Variants in TRPC6 observed in about 807,000 individuals in gnomAD.
TRPC6 encodes the protein transient receptor potential cation channel subfamily C member 6.
Under a neutral mutation model 90.7 loss-of-function variants are expected in TRPC6, and 55 were observed. The ratio of observed to expected loss-of-function variants is 0.61; its 90% confidence interval spans 0.49 to 0.76. The LOEUF (loss-of-function observed/expected upper bound fraction) is 0.76. TRPC6 is among the 30% of genes least tolerant of loss of function. The pLI is 0.00. For synonymous variants in TRPC6, 393 were observed against 393.0 expected, an observed-to-expected ratio of 1.00 and a Z score of 0.00; for missense variants, 989 against 1,122.7, an observed-to-expected ratio of 0.88 and a Z score of 1.70.
At chr11:101,466,154 CA>C (rs1342428620) in intron 10 of TRPC6, among the ~76,000 whole-genome samples, 1 of 152,098 alleles carries the variant, frequency 6.6e-6, no homozygotes, top group East Asian at 1.9e-4. Context: ...ATCTTCGTCC[CA>C]AAGGGGCACC....
chr11:101,477,820 G>A (rs7927507), intron 5 of TRPC6, among the ~76,000 whole-genome samples: 18,144 of 152,152 alleles, frequency 0.12, 1,561 homozygotes, highest in African/African-American at 0.25. Flanking sequence ...AACATTTATT[G>A]AGTGCTTACT....
chr11:101,562,399 T>A (rs1198378557), intron 1 of TRPC6, among the ~76,000 whole-genome samples: 2 of 152,200 alleles, frequency 1.3e-5, no homozygotes, highest in African/African-American at 4.8e-5. Flanking sequence ...TATGGCTTCA[T>A]CTTGAGTCCC....
chr11:101,472,129 G>C lies in TRPC6; in HGVS notation c.2205+8C>G. The C allele has an allele frequency of 6.2e-6, 10 of 1,610,136 alleles. No individual in the cohort carries two copies. The highest frequency in any genetic ancestry group is 8.5e-6 in the Non-Finnish European group (10 of 1,178,574). ...GGCACAAATTATAAAAATGTATTGA[G>C]ATTATACCTCAATTTCCTGGAATGA... On this transcript the variant is annotated splice_region_variant and intron_variant, in intron 8 of 12. Coordinates refer to ENST00000344327, the MANE Select transcript of TRPC6 (RefSeq NM_004621.6).
chr11:101,569,405 A>G (rs1034119803), intron 1 of TRPC6, among the ~76,000 whole-genome samples: 7 of 152,214 alleles, frequency 4.6e-5, no homozygotes, highest in Admixed American at 2.0e-4. Context: ...TTAGACTTGT[A>G]CACAATGATA....
At chr11:101,453,880 T>C (rs535878465) in intron 11 of TRPC6, among the ~76,000 whole-genome samples, 155 bp from the exon 12 acceptor site, 7 of 152,342 alleles carry the variant, frequency 4.6e-5, no homozygotes, top group Non-Finnish European at 8.8e-5. Flanking sequence ...GCAGGCGATC[T>C]CTACATTTTG....
intron 1 of TRPC6, among the ~76,000 whole-genome samples, chr11:101,517,515 T>C (rs1860551023): frequency 6.6e-6 from 1 of 152,228 alleles, no homozygotes; most frequent in Non-Finnish European, 1.5e-5. Flanking sequence ...TCTTTATTAC[T>C]GCCATTAGTC....
intron 6 of TRPC6, among the ~76,000 whole-genome samples, chr11:101,475,657 A>G (rs1859396653): frequency 6.8e-6 from 1 of 147,650 alleles, no homozygotes; most frequent in South Asian, 2.1e-4. Flanking sequence ...GCCCCTGACA[A>G]CCACCATTAC....
intron 1 of TRPC6, among the ~76,000 whole-genome samples, chr11:101,552,393 T>G (rs1861469647): frequency 6.6e-6 from 1 of 152,100 alleles, no homozygotes; most frequent in Non-Finnish European, 1.5e-5. Flanking sequence ...CAAAATTACT[T>G]GGCTCTAAAT....
intron 1 of TRPC6, among the ~76,000 whole-genome samples, chr11:101,562,556 T>C (rs909811477): frequency 6.6e-5 from 10 of 152,198 alleles, no homozygotes; most frequent in Non-Finnish European, 1.2e-4. Flanking sequence ...ATTTAAATTT[T>C]GCTCTACAGA....
In TRPC6 at chr11:101,539,646, A is replaced by G. The variant is rs572496143; in HGVS notation, c.171-34848T>C. Among the ~76,000 whole-genome samples the G allele has an allele frequency of 1.7e-4, 26 of 152,346 alleles. No homozygotes were observed. In the South Asian group the frequency reaches 4.3e-3, roughly 25 times the overall value. ...CATTTTTAAAAACTATGCTTCTTTTACCATCATCAGCATCTTTCCAGAATC... is the reference window on the plus strand; with the variant it reads ...CATTTTTAAAAACTATGCTTCTTTTGCCATCATCAGCATCTTTCCAGAATC... On this transcript the variant is annotated intron_variant, in intron 1 of 12. Coordinates refer to ENST00000344327, the MANE Select transcript of TRPC6 (RefSeq NM_004621.6).
At chr11:101,563,596 T>TA (rs769131667) in intron 1 of TRPC6, among the ~76,000 whole-genome samples, 28 of 152,176 alleles carry the variant, frequency 1.8e-4, no homozygotes, top group South Asian at 8.3e-4. Context: ...GCCTAATAGG[T>TA]ACTCACCATA....
At chr11:101,578,574 A>C (rs1173509358) in intron 1 of TRPC6, among the ~76,000 whole-genome samples, 2 of 152,032 alleles carry the variant, frequency 1.3e-5, no homozygotes, top group African/African-American at 2.4e-5. Flanking sequence ...GTCAATAAAA[A>C]TTTTAAAGGA....
intron 1 of TRPC6, among the ~76,000 whole-genome samples, chr11:101,541,415 G>C (rs1861170119): frequency 6.6e-6 from 1 of 152,154 alleles, no homozygotes; most frequent in South Asian, 2.1e-4. Flanking sequence ...AGGCCGGAGT[G>C]CAGTAGTGCC....
chr11:101,514,337 T>C (rs1860467580), intron 1 of TRPC6, among the ~76,000 whole-genome samples: 1 of 152,134 alleles, frequency 6.6e-6, no homozygotes, highest in African/African-American at 2.4e-5. Flanking sequence ...AAGGAAGTAG[T>C]GTGGCATATA....
At chr11:101,565,704 T>G (rs1861812831) in intron 1 of TRPC6, among the ~76,000 whole-genome samples, 1 of 152,110 alleles carries the variant, frequency 6.6e-6, no homozygotes, top group African/African-American at 2.4e-5. Flanking sequence ...TAATAGGTAT[T>G]TGATGAAAAC....
Position 101,452,848 on chromosome 11 carries a change from G to T in TRPC6, c.*107C>A. ...GATAGGATGGCCCAAGTTATTTAACGTTTTCTTGTTTAAAAGGTGGGCCCA... is the reference window on the plus strand; with the variant it reads ...GATAGGATGGCCCAAGTTATTTAACTTTTTCTTGTTTAAAAGGTGGGCCCA... On this transcript the variant is annotated 3_prime_UTR_variant, in exon 13 of 13. Coordinates refer to ENST00000344327, the MANE Select transcript of TRPC6 (RefSeq NM_004621.6). 7.4e-7 allele frequency: 1 copy of T among 1,350,100 alleles called. No homozygotes were observed. The highest frequency in any genetic ancestry group is 1.0e-6 in the Non-Finnish European group (1 of 957,450). The allele number at this position is 1,350,100 out of a possible 1,614,324, so 83.6% of individuals were successfully genotyped here.
At chr11:101,456,935 A>AACTT (rs1285211004) in intron 10 of TRPC6, among the ~76,000 whole-genome samples, 2 of 152,166 alleles carry the variant, frequency 1.3e-5, no homozygotes, top group African/African-American at 4.8e-5. Context: ...TTTCATAAAA[A>AACTT]ACTTAATGAT....
intron 5 of TRPC6, among the ~76,000 whole-genome samples, chr11:101,478,876 ACAAAAAACAAC>A (rs1367720393): frequency 6.6e-6 from 1 of 152,156 alleles, no homozygotes; most frequent in Admixed American, 6.5e-5. Context: ...ATTTCTTTTT[ACAAAAAACAAC>A]CAAAAAACCC....
chr11:101,517,112 G>A (rs1254730621), intron 1 of TRPC6, among the ~76,000 whole-genome samples: 1 of 152,220 alleles, frequency 6.6e-6, no homozygotes, highest in Admixed American at 6.5e-5. Context: ...TCCATTTGCA[G>A]CTGTATTCAG....
Sources: gnomAD v4.1 joint callset for allele counts (sites outside exome capture counted in the v4.1 genomes callset) on GRCh38, gnomAD v4.1.1 for gene constraint, MANE v1.5 for transcripts, NCBI Gene and HGNC (gene_info 2026-07-23, HGNC 2026-07-21) for gene names.